The following NAALADL2 variants were observed in gnomAD, a reference collection of about 807,000 sequenced individuals.
NAALADL2 encodes the protein inactive N-acetylated-alpha-linked acidic dipeptidase-like protein 2.
NAALADL2 carries 76 observed loss-of-function variants against 87.2 expected under a neutral mutation model. The ratio of observed to expected loss-of-function variants is 0.87; its 90% CI spans 0.72 to 1.05. The LOEUF (loss-of-function observed/expected upper bound fraction) is 1.05. NAALADL2 is among the 50% of genes least tolerant of loss of function. The probability of loss-of-function intolerance (pLI) is 0.00; values close to 1 mark genes in which losing one functional copy is unlikely to be tolerated. For missense variants in NAALADL2, 1,089 were observed against 945.8 expected (o/e 1.15, Z -1.99); for synonymous variants, 354 against 331.0 (o/e 1.07, Z -0.75).
intron 2 of NAALADL2, among the ~76,000 whole-genome samples, chr3:175,178,731 C>T (rs547235392): frequency 2.6e-5 from 4 of 152,134 alleles, no homozygotes; most frequent in Admixed American, 2.6e-4. Context: ...AAAGTTTCAA[C>T]TAATGATGCT....
At chr3:174,516,659 GA>G (rs1719951711) in intron 1 of NAALADL2, among the ~76,000 whole-genome samples, 1 of 151,820 alleles carries the variant, frequency 6.6e-6, no homozygotes, top group African/African-American at 2.4e-5. Flanking sequence ...GATAAAAATT[GA>G]TCTGTATACT....
At chr3:175,628,549 C>T (rs1201201519) in intron 11 of NAALADL2, among the ~76,000 whole-genome samples, 1 of 147,960 alleles carries the variant, frequency 6.8e-6, no homozygotes, top group Non-Finnish European at 1.5e-5. Context: ...TCATCACCTG[C>T]CTTTTGGGGA....
Position 175,803,156 on chromosome 3 carries a change from A to G in NAALADL2, c.2341A>G (p.Lys781Glu), listed in dbSNP as rs747608264. Residue 781 changes from lysine to glutamate, a missense_variant, in exon 14 of 14, where the codon AAA becomes GAA. By Grantham distance (56) the Lys-to-Glu change is moderately conservative. Transcript: ENST00000454872. ...NSINSAQVYF[K>E]AGLDVFKSVL... ...CATTAATTCAGCTCAGGTTTACTTC[A>G]AAGCAGGACTTGATGTGTTCAAGAG... is the stretch of plus-strand genomic sequence containing the variant. 3.1e-6 allele frequency: 5 copies of G among 1,611,976 alleles called. No homozygotes were observed. In the East Asian group the frequency reaches 8.9e-5, roughly 29 times the overall value.
chr3:174,708,522 A>G (rs548366532), intron 2 of NAALADL2, among the ~76,000 whole-genome samples: 9 of 152,306 alleles, frequency 5.9e-5, no homozygotes, highest in African/African-American at 1.9e-4. Flanking sequence ...GTAATTCGTT[A>G]GGGACCATTA....
intron 4 of NAALADL2, among the ~76,000 whole-genome samples, chr3:175,268,116 C>T (rs907291215): frequency 5.3e-5 from 8 of 152,028 alleles, no homozygotes; most frequent in Admixed American, 1.3e-4. Context: ...TAGATGATTT[C>T]GTTGTTGTTG....
chr3:174,655,772 A>G (rs530082008), intron 2 of NAALADL2, among the ~76,000 whole-genome samples: 2 of 152,304 alleles, frequency 1.3e-5, no homozygotes, highest in African/African-American at 2.4e-5. Flanking sequence ...TTTAGCTATT[A>G]AACATACCAT....
intron 11 of NAALADL2, among the ~76,000 whole-genome samples, chr3:175,627,630 G>A (rs961006697): frequency 6.6e-6 from 1 of 151,666 alleles, no homozygotes; most frequent in Non-Finnish European, 1.5e-5. Context: ...AAAACAATGA[G>A]TTTATTCATG....
At chr3:174,781,465 C>T (rs1400037453) in intron 3 of NAALADL2, among the ~76,000 whole-genome samples, 4 of 151,234 alleles carry the variant, frequency 2.6e-5, no homozygotes, top group Non-Finnish European at 5.9e-5. Context: ...AGAATGGAAC[C>T]CTCAAAATTT....
intron 2 of NAALADL2, among the ~76,000 whole-genome samples, chr3:174,736,772 C>T (rs763944549): frequency 5.9e-5 from 9 of 152,150 alleles, no homozygotes; most frequent in Non-Finnish European, 1.2e-4. Context: ...ACCGGGGAGC[C>T]GTCTCTTTCC....
At chr3:174,967,403 T>C (rs1242297939) in intron 1 of NAALADL2, among the ~76,000 whole-genome samples, 1 of 151,970 alleles carries the variant, frequency 6.6e-6, no homozygotes, top group Non-Finnish European at 1.5e-5. Context: ...AAGGAATTTA[T>C]TTTAGAAATC....
At chr3:174,777,667 T>G (rs1715377115) in intron 3 of NAALADL2, among the ~76,000 whole-genome samples, 2 of 152,238 alleles carry the variant, frequency 1.3e-5, no homozygotes, top group Non-Finnish European at 1.5e-5. Flanking sequence ...AATTGCACTA[T>G]TCTTTCTGTC....
intron 1 of NAALADL2, among the ~76,000 whole-genome samples, chr3:174,894,174 C>T (rs747669876): frequency 1.3e-5 from 2 of 151,952 alleles, no homozygotes; most frequent in Non-Finnish European, 2.9e-5. Flanking sequence ...TATATATGCA[C>T]CCAATATGGG....
At chr3:174,808,151 A>G (rs1719720830) in intron 3 of NAALADL2, among the ~76,000 whole-genome samples, 1 of 152,138 alleles carries the variant, frequency 6.6e-6, no homozygotes, top group Admixed American at 6.6e-5. Context: ...CACAAATTAA[A>G]ATTTCCACAT....
In NAALADL2 at chr3:174,501,204, A is replaced by G. The variant is rs1173418233; in HGVS notation, c.-183-49365A>G. ...CGCCATTCTCCTGCCTCAGCCTCCC[A>G]AGTAGCTGGGACTACAGGCGCCCGC... On this transcript the variant is annotated intron_variant, in intron 1 of 3. Transcript: ENST00000434257. 4.7e-4 allele frequency among the ~76,000 whole-genome samples: 65 copies of G among 139,516 alleles called. 2 individuals are homozygous for G. Among genetic ancestry groups the G allele is most frequent in the Admixed American group, 1.4e-3 (20 of 14,142 alleles). 91.5% of individuals were successfully genotyped at this position (139,516 alleles called of 152,430 possible).
intron 1 of NAALADL2, among the ~76,000 whole-genome samples, chr3:174,530,435 G>C (rs890509813): frequency 2.6e-5 from 4 of 152,068 alleles, no homozygotes; most frequent in African/African-American, 9.7e-5. Flanking sequence ...CCTGCAAACT[G>C]TTCCAACCGC....
chr3:175,469,273 A>G (rs1244044191), intron 8 of NAALADL2, among the ~76,000 whole-genome samples: 1 of 152,106 alleles, frequency 6.6e-6, no homozygotes, highest in Non-Finnish European at 1.5e-5. Context: ...CCTATTGAAG[A>G]CAAATTTAGA....
chr3:174,635,810 A>T (rs1467654775), intron 2 of NAALADL2, among the ~76,000 whole-genome samples: 1 of 152,048 alleles, frequency 6.6e-6, no homozygotes. Flanking sequence ...GACGATATTC[A>T]CATTGTTATT....
chr3:174,857,018 C>A (rs537408801), upstream of NAALADL2, among the ~76,000 whole-genome samples: 4 of 152,040 alleles, frequency 2.6e-5, no homozygotes, highest in African/African-American at 9.6e-5. Context: ...GTTAAGGGGG[C>A]CTACTGTACC....
chr3:174,660,052 A>G (rs1408718458), intron 2 of NAALADL2, among the ~76,000 whole-genome samples: 1 of 152,218 alleles, frequency 6.6e-6, no homozygotes, highest in Non-Finnish European at 1.5e-5. Context: ...TTTATTTTTA[A>G]AAAGACAATA....
Sources: gnomAD v4.1 joint callset for allele counts (sites outside exome capture counted in the v4.1 genomes callset) on GRCh38, gnomAD v4.1.1 for gene constraint, MANE v1.5 for transcripts, NCBI Gene and HGNC (gene_info 2026-07-23, HGNC 2026-07-21) for gene names.